ARHGEF18: variants seen among roughly 807,000 people sequenced by gnomAD.
ARHGEF18 encodes the protein rho guanine nucleotide exchange factor 18.
Under a neutral mutation model 155.7 loss-of-function variants are expected in ARHGEF18, and 93 were observed. The observed-to-expected ratio is 0.60, with a 90% CI of 0.50 to 0.71. The LOEUF (loss-of-function observed/expected upper bound fraction) is 0.71. ARHGEF18 is among the 30% of genes least tolerant of loss of function. ARHGEF18 has a pLI of 0.00. For missense variants in ARHGEF18, 1,593 were observed against 1,816.1 expected (o/e 0.88, Z 2.23); for synonymous variants, 742 against 753.1 (o/e 0.99, Z 0.24).
intron 4 of ARHGEF18, among the ~76,000 whole-genome samples, chr19:7,376,342 G>C (rs1177274580): frequency 1.3e-5 from 2 of 152,100 alleles, no homozygotes; most frequent in East Asian, 3.9e-4. Flanking sequence ...CTTTGGCTGT[G>C]ATCACAAAGG....
intron 9 of ARHGEF18, 65 bp downstream of exon 9, chr19:7,382,959 C>A: frequency 8.1e-7 from 1 of 1,232,406 alleles, no homozygotes; most frequent in Admixed American, 4.2e-5. Flanking sequence ...TGCCCTTAGC[C>A]CGGGAGCCCT....
chr19:7,353,646 G>A (rs1310051977), intron 1 of ARHGEF18, among the ~76,000 whole-genome samples: 1 of 151,656 alleles, frequency 6.6e-6, no homozygotes, highest in African/African-American at 2.4e-5. Flanking sequence ...AGATATCCCT[G>A]TTGTATTTTT....
intron 18 of ARHGEF18, among the ~76,000 whole-genome samples, chr19:7,456,881 C>T (rs1405635902): frequency 6.6e-6 from 1 of 152,110 alleles, no homozygotes; most frequent in Non-Finnish European, 1.5e-5. Flanking sequence ...ATTACAGGCG[C>T]CCGCCACCAC....
intron 1 of ARHGEF18, among the ~76,000 whole-genome samples, chr19:7,352,823 G>A (rs867941467): frequency 5.9e-5 from 7 of 119,162 alleles, no homozygotes; most frequent in Admixed American, 1.0e-4. Flanking sequence ...GTGAGTCGCC[G>A]TGCCTGGCCT....
intron 15 of ARHGEF18, among the ~76,000 whole-genome samples, chr19:7,449,596 A>G (rs1975229463): frequency 1.3e-5 from 2 of 152,126 alleles, no homozygotes; most frequent in Admixed American, 1.3e-4. Flanking sequence ...GTCATGGGTT[A>G]GGGGGTGTGT....
At chr19:7,396,123 A>G (rs1971695866) in intron 10 of ARHGEF18, among the ~76,000 whole-genome samples, 1 of 152,098 alleles carries the variant, frequency 6.6e-6, no homozygotes, top group Non-Finnish European at 1.5e-5. Flanking sequence ...CGTTAATTCT[A>G]CTAGCACTTG....
chr19:7,440,382 G>T lies in ARHGEF18; in HGVS notation c.1006G>T (p.Asp336Tyr), dbSNP rs201764417. Reference sequence around the variant, plus strand: ...GCACCCCCGGGGCACCCTCCTGTCCGATGGCAGCCCGGCCCTGTCCAGGAA... The same window carrying T: ...GCACCCCCGGGGCACCCTCCTGTCCTATGGCAGCCCGGCCCTGTCCAGGAA... ...KEHPRGTLLS[D>Y]GSPALSRNVG... Residue 336 changes from aspartate (D) to tyrosine (Y), a missense_variant, in exon 11 of 29, where the codon GAT becomes TAT. Coordinates refer to ENST00000668164, the MANE Select transcript of ARHGEF18 (RefSeq NM_001367823.1). This position sits in a 1 kb window ranked among gnomAD's most constrained non-coding sequence, Gnocchi z 5.4. 2 of 1,610,890 alleles carry T rather than the reference G, an allele frequency of 1.2e-6. No homozygotes were observed. The highest frequency in any genetic ancestry group is 8.5e-7 in the Non-Finnish European group (1 of 1,180,000).
At chr19:7,350,475 A>C (rs1969127056) in intron 1 of ARHGEF18, among the ~76,000 whole-genome samples, 1 of 152,154 alleles carries the variant, frequency 6.6e-6, no homozygotes, top group African/African-American at 2.4e-5. Flanking sequence ...GCTGCTTGGT[A>C]GAGGCAGCCT....
At chr19:7,426,215 C>T (rs116122371) in intron 10 of ARHGEF18, among the ~76,000 whole-genome samples, 4,576 of 151,912 alleles carry the variant, frequency 0.03, 211 homozygotes, top group African/African-American at 0.1. Flanking sequence ...AACCTGGGCG[C>T]GGTGGCTCAT....
At chr19:7,466,761 G>A (rs1310529903) in intron 23 of ARHGEF18, among the ~76,000 whole-genome samples, 157 bp from the exon 24 acceptor site, 2 of 128,360 alleles carry the variant, frequency 1.6e-5, no homozygotes, top group Non-Finnish European at 3.1e-5. Flanking sequence ...CCAAGATCGC[G>A]CCACTGCACT....
chr19:7,450,188 T>C (rs1308917043), intron 15 of ARHGEF18, among the ~76,000 whole-genome samples: 1 of 149,268 alleles, frequency 6.7e-6, no homozygotes, highest in Admixed American at 6.7e-5. Context: ...GCAATCTTGC[T>C]GTCCATTTCC....
At chr19:7,385,891 CCTCCCT>C (rs1376597066) in intron 10 of ARHGEF18, among the ~76,000 whole-genome samples, 4 of 41,414 alleles carry the variant, frequency 9.7e-5, no homozygotes, top group African/African-American at 5.1e-4. Context: ...TCTCTCCCTC[CCTCCCT>C]CTCTCTCTCC....
At chr19:7,382,344 G>A (rs931340093) in intron 8 of ARHGEF18, among the ~76,000 whole-genome samples, 2 of 151,434 alleles carry the variant, frequency 1.3e-5, no homozygotes, top group Admixed American at 1.3e-4. Context: ...GCAGTGAGCC[G>A]AGATTGCACC....
intron 10 of ARHGEF18, among the ~76,000 whole-genome samples, chr19:7,391,243 G>A (rs1487844673): frequency 1.3e-5 from 2 of 151,994 alleles, no homozygotes; most frequent in Non-Finnish European, 2.9e-5. Flanking sequence ...CAAAGTCAAC[G>A]TGACAGTCTG....
At chr19:7,435,504 G>A (rs763016573) in intron 10 of ARHGEF18, among the ~76,000 whole-genome samples, 1 of 152,104 alleles carries the variant, frequency 6.6e-6, no homozygotes, top group Non-Finnish European at 1.5e-5. Context: ...GGCCAGGCAG[G>A]GTGAGCAGGT....
At chr19:7,418,362 G>T (rs780808678) in intron 10 of ARHGEF18, among the ~76,000 whole-genome samples, 1 of 152,168 alleles carries the variant, frequency 6.6e-6, no homozygotes, top group East Asian at 1.9e-4. Context: ...GGGCGCAAGC[G>T]ATCCTCCTGC....
At chr19:7,387,190 T>C (rs1971133856) in intron 10 of ARHGEF18, among the ~76,000 whole-genome samples, 1 of 152,124 alleles carries the variant, frequency 6.6e-6, no homozygotes. Context: ...TCTCACTCTG[T>C]TGCCCAGGCT....
Position 7,440,292 on chromosome 19 carries a change from C to T in ARHGEF18, c.968-52C>T, listed in dbSNP as rs770231954. ...GCGGGGCTTCCGCGCCGGGGACCTC[C>T]GCTACCCGACCCACTTTCTCAGCAC... On this transcript the variant is annotated intron_variant, in intron 10 of 28. Coordinates refer to ENST00000668164, the MANE Select transcript of ARHGEF18 (RefSeq NM_001367823.1). This position sits in a 1 kb window ranked among gnomAD's most constrained non-coding sequence, Gnocchi z 5.4. 13 of 1,579,774 alleles carry T rather than the reference C, an allele frequency of 8.2e-6. No homozygotes were observed. The highest frequency in any genetic ancestry group is 1.9e-5 in the Admixed American group (1 of 53,560).
downstream of ARHGEF18, among the ~76,000 whole-genome samples, chr19:7,474,604 C>T (rs1977176069): frequency 6.6e-6 from 1 of 151,938 alleles, no homozygotes; most frequent in African/African-American, 2.4e-5. Context: ...TCTTGAACTC[C>T]TAATCTCAGG....
Sources: gnomAD v4.1 joint callset for allele counts (sites outside exome capture counted in the v4.1 genomes callset) on GRCh38, gnomAD v4.1.1 for gene constraint, Gnocchi (gnomAD v3.1) non-coding constraint, MANE v1.5 for transcripts, NCBI Gene and HGNC (gene_info 2026-07-23, HGNC 2026-07-21) for gene names.